Variants in PAK3 observed in about 807,000 individuals in gnomAD.
The protein encoded by PAK3 is serine/threonine-protein kinase PAK 3.
PAK3 carries 4 observed loss-of-function variants against 41.0 expected under a neutral mutation model. The ratio of observed to expected loss-of-function variants is 0.10; its 90% confidence interval spans 0.05 to 0.22. The LOEUF (loss-of-function observed/expected upper bound fraction) is 0.22. PAK3 is among the 10% of genes least tolerant of loss of function. PAK3 has a pLI of 1.00. For synonymous variants in PAK3, 146 were observed against 139.6 expected, an observed-to-expected ratio of 1.05 and a Z score of -0.32; for missense variants, 205 against 409.9, an observed-to-expected ratio of 0.50 and a Z score of 4.32.
intron 7 of PAK3, among the ~76,000 whole-genome samples, chrX:111,148,390 A>C (rs2093980992): frequency 8.9e-6 from 1 of 112,136 alleles, no homozygotes; most frequent in Admixed American, 9.4e-5. Context: ...TGAAATATCC[A>C]TGTTACTGCC....
chrX:111,069,407 T>C (rs1322655488), intron 1 of PAK3, among the ~76,000 whole-genome samples: 1 of 111,941 alleles, frequency 8.9e-6, no homozygotes, highest in Non-Finnish European at 1.9e-5. Context: ...AGTTAGTTTT[T>C]CTTCCAGTTA....
chrX:110,998,294 GC>G (rs2091778877), intron 1 of PAK3, among the ~76,000 whole-genome samples: 1 of 112,025 alleles, frequency 8.9e-6, no homozygotes, highest in Non-Finnish European at 1.9e-5. Context: ...GAAAGAAGCA[GC>G]CAGAGAAGAA....
In PAK3 at chrX:111,224,697, A is replaced by C. The variant is rs771045875; in HGVS notation, c.*4250A>C. The C allele has an allele frequency of 8.9e-6, 1 of 112,170 alleles. No homozygotes were observed. Among genetic ancestry groups the C allele is most frequent in the Non-Finnish European group, 1.9e-5 (1 of 53,251 alleles). The allele number at this position is 112,170 out of a possible 1,213,427, so 9.2% of individuals were successfully genotyped here. ...TTTGCAGTAGTTGTGATTTTTAAAG[A>C]GCAAGGGAGACCATCTAACCAAAGG... On this transcript the variant is annotated 3_prime_UTR_variant, in exon 18 of 18. Transcript: ENST00000372007.
At chrX:111,170,393 C>G (rs902633117) in intron 10 of PAK3, among the ~76,000 whole-genome samples, 4 of 109,867 alleles carry the variant, frequency 3.6e-5, no homozygotes, top group African/African-American at 1.3e-4. Context: ...GATGAGTAAT[C>G]TATGAGTGAA....
chrX:111,097,252 C>T (rs1320186253), intron 1 of PAK3, 138 bp from the exon 2 acceptor site: 1 of 89,804 alleles, frequency 1.1e-5, no homozygotes. Context: ...TAGATTCTTA[C>T]TCTGGCAAGT....
intron 11 of PAK3, among the ~76,000 whole-genome samples, chrX:111,181,702 T>C (rs1264407877): frequency 9.1e-6 from 1 of 109,630 alleles, no homozygotes; most frequent in African/African-American, 3.4e-5. Context: ...GTGTATGCCA[T>C]GGAACTCAGA....
In PAK3 at chrX:111,223,324, C is replaced by T. The variant is rs2094937108; in HGVS notation, c.*2877C>T. On this transcript the variant is annotated 3_prime_UTR_variant, in exon 18 of 18. Coordinates refer to ENST00000372007, the MANE Select transcript of PAK3 (RefSeq NM_002578.5). ...ATTATTTATTTAAAAAAGGAAAGAA[C>T]GTTAATGTTGTTAGCAAGGATCCAG... 9.1e-6 allele frequency: 1 copy of T among 109,494 alleles called. No individual in the cohort carries two copies. Among genetic ancestry groups the T allele is most frequent in the South Asian group, 4.0e-4 (1 of 2,492 alleles). 9.0% of individuals were successfully genotyped at this position (109,494 alleles called of 1,213,427 possible).
At chrX:111,134,629 T>C (rs2093762804) in intron 5 of PAK3, among the ~76,000 whole-genome samples, 1 of 110,832 alleles carries the variant, frequency 9.0e-6, no homozygotes, top group African/African-American at 3.3e-5. Flanking sequence ...ATGATTAGAG[T>C]TTAGTGTGAT....
intron 16 of PAK3, among the ~76,000 whole-genome samples, 159 bp downstream of exon 16, chrX:111,196,799 A>G (rs1326977299): frequency 9.1e-6 from 1 of 110,051 alleles, no homozygotes; most frequent in Non-Finnish European, 1.9e-5. Context: ...TAAGCTTTTT[A>G]AAGTTTATCT....
upstream of PAK3, among the ~76,000 whole-genome samples, chrX:111,092,165 G>C (rs886779623): frequency 1.8e-5 from 2 of 112,136 alleles, no homozygotes; most frequent in African/African-American, 6.5e-5. Context: ...AGCAGGGGTA[G>C]TTTGCTTGCT....
At chrX:111,124,390 G>GA (rs1453452443) in intron 5 of PAK3, among the ~76,000 whole-genome samples, 1 of 112,014 alleles carries the variant, frequency 8.9e-6, no homozygotes, top group East Asian at 2.8e-4. Flanking sequence ...AATGAATCCA[G>GA]AAAAAAATTT....
intron 1 of PAK3, among the ~76,000 whole-genome samples, chrX:111,036,385 C>T (rs945929883): frequency 3.6e-5 from 4 of 112,267 alleles, no homozygotes; most frequent in Non-Finnish European, 3.8e-5. Context: ...TTAAAAAAGA[C>T]GTTTAATTGA....
intron 1 of PAK3, among the ~76,000 whole-genome samples, chrX:111,008,580 C>T (rs1383594881): frequency 1.8e-5 from 2 of 112,545 alleles, no homozygotes; most frequent in East Asian, 5.7e-4. Context: ...ATGCTGCAAG[C>T]ACAGCCATCA....
intron 1 of PAK3, among the ~76,000 whole-genome samples, chrX:111,058,576 G>T (rs1177726105): frequency 9.0e-6 from 1 of 111,427 alleles, no homozygotes; most frequent in Admixed American, 9.5e-5. Context: ...AGATAAAAGT[G>T]CTTCAGGAGA....
chrX:111,203,061 G>A (rs2094701283), intron 16 of PAK3, among the ~76,000 whole-genome samples: 3 of 111,190 alleles, frequency 2.7e-5, no homozygotes, highest in Admixed American at 9.6e-5. Flanking sequence ...AAGAACCAGC[G>A]ATTCTAGGCC....
chrX:111,010,669 TC>T (rs1277612378), intron 1 of PAK3, among the ~76,000 whole-genome samples: 4 of 111,133 alleles, frequency 3.6e-5, no homozygotes, highest in Non-Finnish European at 7.5e-5. Context: ...ATATGCTGGT[TC>T]CCCCTTCACC....
At chrX:111,016,023 T>C in intron 1 of PAK3, among the ~76,000 whole-genome samples, 2 of 112,221 alleles carry the variant, frequency 1.8e-5, no homozygotes, top group Non-Finnish European at 3.8e-5. Context: ...CTATATCCTG[T>C]CTTCTCACTG....
At chrX:111,001,024 G>T (rs1413594296) in intron 1 of PAK3, among the ~76,000 whole-genome samples, 1 of 111,679 alleles carries the variant, frequency 9.0e-6, no homozygotes, top group Admixed American at 9.5e-5. Flanking sequence ...AGAAGAGGGT[G>T]CAAGAGCCAC....
At chrX:110,992,059 G>A (rs1412729449) in intron 1 of PAK3, among the ~76,000 whole-genome samples, 1 of 111,428 alleles carries the variant, frequency 9.0e-6, no homozygotes, top group Non-Finnish European at 1.9e-5. Flanking sequence ...AGTGGTGAGG[G>A]AGGGTTGGAG....
Sources: gnomAD v4.1 joint callset for allele counts (sites outside exome capture counted in the v4.1 genomes callset) on GRCh38, gnomAD v4.1.1 for gene constraint, MANE v1.5 for transcripts, NCBI Gene and HGNC (gene_info 2026-07-23, HGNC 2026-07-21) for gene names.